The following NCKAP5 variants were observed in gnomAD, a reference collection of about 807,000 sequenced individuals.
The protein encoded by NCKAP5 is nck-associated protein 5.
In NCKAP5, 92 loss-of-function variants were observed where a neutral mutation model predicts 167.0. That is an observed-to-expected ratio of 0.55 (90% CI 0.47 to 0.66). The LOEUF is 0.66. NCKAP5 is among the 30% of genes least tolerant of loss of function. The pLI, the probability that NCKAP5 is intolerant of heterozygous loss-of-function variation, is 0.00. For synonymous variants in NCKAP5, 891 were observed against 877.4 expected (o/e 1.02, Z -0.27); for missense variants, 2,378 against 2,315.0 (o/e 1.03, Z -0.56).
rs185305102 is a variant in NCKAP5 at position 133,463,762 on chromosome 2, A to C, written c.69+53696T>G. Among the ~76,000 whole-genome samples the C allele has an allele frequency of 8.5e-5, 13 of 152,272 alleles. No homozygotes were observed. The East Asian group carries it at 2.3e-3, about 27-fold the overall frequency. On this transcript the variant is annotated intron_variant, in intron 3 of 19. Transcript: ENST00000409261. ...CTTTGCCTTGAAAAGACAAATTAATATTTTACATGGCAACAACTCTTTATT... is the reference window on the plus strand; with the variant it reads ...CTTTGCCTTGAAAAGACAAATTAATCTTTTACATGGCAACAACTCTTTATT...
At chr2:133,619,332 C>A in the NCKAP5 span, among the ~76,000 whole-genome samples, 103 of 151,310 alleles carry the variant, frequency 6.8e-4, 1 homozygote, top group African/African-American at 2.4e-3. Flanking sequence ...AATAAAAAAT[C>A]AAAAATATGA....
chr2:133,099,010 A>G lies in NCKAP5; in HGVS notation c.341+30968T>C, dbSNP rs1171845458. The stretch of plus-strand genomic sequence containing the variant: ...TTGGCAGTGTCACAGAAAAGTAATC[A>G]TGTACCTAAAAATGGGCATTAAACA... On this transcript the variant is annotated intron_variant, in intron 6 of 19. Transcript: ENST00000409261. Among the ~76,000 whole-genome samples the G allele has an allele frequency of 2.0e-5, 3 of 152,290 alleles. No individual in the cohort carries two copies. The East Asian group carries it at 5.8e-4, about 29-fold the overall frequency.
chr2:133,622,829 G>A, the NCKAP5 span, among the ~76,000 whole-genome samples: 1 of 152,012 alleles, frequency 6.6e-6, no homozygotes, highest in Non-Finnish European at 1.5e-5. Flanking sequence ...AATCAAAAAA[G>A]AGCCCACATA....
intron 6 of NCKAP5, among the ~76,000 whole-genome samples, chr2:133,115,822 TCACACACACA>T (rs141741244): frequency 1.6e-5 from 2 of 122,932 alleles, no homozygotes; most frequent in East Asian, 2.4e-4. Context: ...TATATAGTGT[TCACACACACA>T]CACACACACA....
intron 3 of NCKAP5, among the ~76,000 whole-genome samples, chr2:133,452,803 G>C (rs1338344452): frequency 6.6e-6 from 1 of 152,066 alleles, no homozygotes; most frequent in South Asian, 2.1e-4. Context: ...CCAGACCCAA[G>C]CCTTGCCTTG....
At chr2:133,339,195 TAG>T (rs2150757605) in intron 3 of NCKAP5, among the ~76,000 whole-genome samples, 1 of 152,120 alleles carries the variant, frequency 6.6e-6, no homozygotes, top group Admixed American at 6.5e-5. Context: ...CTCTTAGCAA[TAG>T]AGAGAAATGA....
rs70973406 is a variant in NCKAP5 at position 132,771,839 on chromosome 2, A to ATTT, written c.5128+1974_5128+1976dup. On this transcript the variant is annotated intron_variant, in intron 16 of 19. Coordinates refer to ENST00000409261, the MANE Select transcript of NCKAP5 (RefSeq NM_207363.3). The stretch of plus-strand genomic sequence containing the variant: ...AGGCACCCACAACCACGCCCGGCTA[A>ATTT]TTTTTTTTTTTTTTTTTTTTTTTTT... Among the ~76,000 whole-genome samples the ATTT allele has an allele frequency of 6.2e-4, 62 of 100,758 alleles. 1 individual carries two copies. The highest frequency in any genetic ancestry group is 1.5e-3 in the African/African-American group (39 of 25,682). The allele number at this position is 100,758 out of a possible 152,430, so 66.1% of individuals were successfully genotyped here. A position where few individuals can be genotyped will look rare whatever the true frequency, so the allele number is the denominator to read the frequency against.
intron 3 of NCKAP5, among the ~76,000 whole-genome samples, chr2:133,310,125 C>T (rs192727027): frequency 4.6e-5 from 7 of 152,280 alleles, no homozygotes; most frequent in Non-Finnish European, 8.8e-5. Flanking sequence ...AAAAGGTATA[C>T]CTGCATGGTG....
chr2:133,531,896 T>C (rs1044156137), intron 2 of NCKAP5, among the ~76,000 whole-genome samples: 1 of 152,240 alleles, frequency 6.6e-6, no homozygotes, highest in African/African-American at 2.4e-5. Flanking sequence ...TCCTCTCTTT[T>C]AAGTAATAAA....
At chr2:133,156,008 C>G (rs901691016) in intron 5 of NCKAP5, among the ~76,000 whole-genome samples, 6 of 152,348 alleles carry the variant, frequency 3.9e-5, no homozygotes, top group African/African-American at 1.4e-4. Context: ...ACTCCCTATA[C>G]AGCTCTTAAG....
chr2:133,586,634 T>C, the NCKAP5 span, among the ~76,000 whole-genome samples: 9 of 152,186 alleles, frequency 5.9e-5, no homozygotes, highest in Admixed American at 5.9e-4. Context: ...CCATGTCCAA[T>C]TTGTCTTCTC....
intron 8 of NCKAP5, among the ~76,000 whole-genome samples, chr2:132,941,790 C>G (rs1697318951): frequency 6.6e-6 from 1 of 152,100 alleles, no homozygotes; most frequent in Non-Finnish European, 1.5e-5. Flanking sequence ...TCTGCCATTT[C>G]CCAGCAAAGT....
At chr2:133,289,953 C>T (rs752257123) in intron 4 of NCKAP5, among the ~76,000 whole-genome samples, 2 of 152,080 alleles carry the variant, frequency 1.3e-5, no homozygotes, top group African/African-American at 2.4e-5. Flanking sequence ...TGAGAACTCA[C>T]GCACTATCAC....
chr2:132,920,677 ATAAGTTAGTT>A lies in NCKAP5; in HGVS notation c.580-41771_580-41762del, dbSNP rs1253037817. On this transcript the variant is annotated intron_variant, in intron 8 of 19. Transcript: ENST00000409261. ...GAAGAACTTATATATATATATATAT[ATAAGTTAGTT>A]TATATATATATATACGTATATGTAT... Among the ~76,000 whole-genome samples the A allele has an allele frequency of 6.3e-4, 74 of 117,018 alleles. 4 individuals are homozygous for A. Among genetic ancestry groups the A allele is most frequent in the African/African-American group, 2.2e-3 (59 of 27,034 alleles). 76.8% of individuals were successfully genotyped at this position (117,018 alleles called of 152,430 possible).
At chr2:133,222,121 G>A (rs759719989) in intron 4 of NCKAP5, among the ~76,000 whole-genome samples, 6 of 152,016 alleles carry the variant, frequency 3.9e-5, no homozygotes, top group Non-Finnish European at 8.8e-5. Flanking sequence ...TGATATAAAA[G>A]TTAATCAAAC....
chr2:133,671,453 T>G, the NCKAP5 span, among the ~76,000 whole-genome samples: 3,022 of 152,188 alleles, frequency 0.02, 135 homozygotes, highest in East Asian at 0.18. Flanking sequence ...ATGGATCAAT[T>G]AATTCATGGA....
chr2:133,102,143 TTTG>T (rs2081534534), intron 6 of NCKAP5, among the ~76,000 whole-genome samples: 1 of 151,988 alleles, frequency 6.6e-6, no homozygotes, highest in Admixed American at 6.6e-5. Flanking sequence ...CTTTGTTTTT[TTTG>T]TTTGTTTGCT....
intron 6 of NCKAP5, among the ~76,000 whole-genome samples, chr2:133,046,285 T>C (rs2079396429): frequency 1.3e-5 from 2 of 152,232 alleles, no homozygotes; most frequent in Non-Finnish European, 1.5e-5. Context: ...AAATATATTT[T>C]AGTTTTGCTT....
At chr2:133,337,595 A>G (rs2150751132) in intron 3 of NCKAP5, among the ~76,000 whole-genome samples, 1 of 152,308 alleles carries the variant, frequency 6.6e-6, no homozygotes, top group South Asian at 2.1e-4. Context: ...GTATCCTTGT[A>G]GAAGAAAAGA....
Sources: allele counts gnomAD v4.1 joint callset (sites outside exome capture counted in the v4.1 genomes callset), GRCh38; gene constraint gnomAD v4.1.1; transcripts MANE v1.5; gene names NCBI Gene and HGNC (gene_info 2026-07-23, HGNC 2026-07-21).